SGCD: variants seen among roughly 807,000 people sequenced by gnomAD.
SGCD encodes delta-sarcoglycan.
A neutral mutation model predicts 36.6 loss-of-function variants in SGCD; 18 were observed. The observed-to-expected ratio is 0.49, with a 90% CI of 0.34 to 0.73. The LOEUF is 0.73. SGCD is among the 30% of genes least tolerant of loss of function. SGCD has a pLI of 0.01. For missense variants in SGCD, 387 were observed against 346.7 expected (o/e 1.12, Z -0.92); for synonymous variants, 133 against 130.6 (o/e 1.02, Z -0.12).
chr5:156,000,355 T>C (rs1581035610), intron 1 of SGCD, among the ~76,000 whole-genome samples: 1 of 152,260 alleles, frequency 6.6e-6, no homozygotes, highest in African/African-American at 2.4e-5. Flanking sequence ...AACACAACCA[T>C]AGTCTAGAAG....
rs1360310595 is a variant in SGCD, at chr5:156,049,199, C to A, written c.-281-68679C>A. On this transcript the variant is annotated intron_variant, in intron 1 of 9. Transcript: ENST00000517913. ...GTTGGTCTATATCTCTGTTTTGGTA[C>A]CAGTACCATGCTGTTTTGGTTACTG... 1.6e-4 allele frequency among the ~76,000 whole-genome samples: 24 copies of A among 146,202 alleles called. 2 individuals carry two copies. The highest frequency in any genetic ancestry group is 5.7e-4 in the African/African-American group (23 of 40,620).
At chr5:156,590,747 T>TCC (rs140727145) in intron 5 of SGCD, among the ~76,000 whole-genome samples, 2 of 151,250 alleles carry the variant, frequency 1.3e-5, no homozygotes, top group African/African-American at 2.4e-5. Context: ...TCTCTTTTTT[T>TCC]CCCCCCACTC....
intron 1 of SGCD, among the ~76,000 whole-genome samples, chr5:155,881,902 T>A (rs1489160251): frequency 6.6e-6 from 1 of 152,184 alleles, no homozygotes; most frequent in Non-Finnish European, 1.5e-5. Flanking sequence ...TCATTGAAGT[T>A]TTATCATGAG....
chr5:156,149,119 C>T (rs1157109172), intron 3 of SGCD, among the ~76,000 whole-genome samples: 1 of 152,086 alleles, frequency 6.6e-6, no homozygotes, highest in Non-Finnish European at 1.5e-5. Flanking sequence ...CTAATGGGAA[C>T]CTGGCTGTCA....
chr5:156,697,758 T>C (rs914959066), intron 7 of SGCD, among the ~76,000 whole-genome samples: 144 of 143,930 alleles, frequency 1.0e-3, no homozygotes, highest in East Asian at 1.4e-3. Flanking sequence ...GACGGATGGA[T>C]GGATGGATGG....
intron 1 of SGCD, among the ~76,000 whole-genome samples, chr5:155,952,234 A>G (rs575478364): frequency 6.6e-6 from 1 of 152,228 alleles, no homozygotes; most frequent in African/African-American, 2.4e-5. Flanking sequence ...AGTTTTCAAA[A>G]ACCCCAAGGA....
rs185509744 is a variant in SGCD, at chr5:156,266,208, T to C, written c.-43-63326T>C. Among the ~76,000 whole-genome samples the C allele has an allele frequency of 2.5e-3, 384 of 152,372 alleles. 4 individuals are homozygous for C. Among genetic ancestry groups the C allele is most frequent in the Non-Finnish European group, 1.7e-3 (117 of 68,036 alleles). On this transcript the variant is annotated intron_variant, in intron 3 of 9. Transcript: ENST00000517913. ...CTATTTTGTAGTGCTGGATAGGCTA[T>C]TGACCAAGGTGTTAAATTGACTGAA...
At chr5:155,887,373 T>C (rs889179540) in intron 1 of SGCD, among the ~76,000 whole-genome samples, 39 of 152,228 alleles carry the variant, frequency 2.6e-4, no homozygotes, top group African/African-American at 9.4e-4. Flanking sequence ...TTTCCAACTT[T>C]ATTACTACAC....
chr5:155,987,885 A>G (rs1352217855), intron 1 of SGCD, among the ~76,000 whole-genome samples: 1 of 152,126 alleles, frequency 6.6e-6, no homozygotes, highest in Non-Finnish European at 1.5e-5. Context: ...TGTATTATTC[A>G]TATCCCAGTA....
At position 156,256,405 on chromosome 5, in the gene SGCD, T is replaced by C. The variant is rs75685501; in HGVS notation, c.-43-73129T>C. 5.6e-3 allele frequency among the ~76,000 whole-genome samples: 848 copies of C among 152,310 alleles called. 9 individuals carry two copies. Among genetic ancestry groups the C allele is most frequent in the African/African-American group, 0.02 (814 of 41,572 alleles). ...ATCAGTTTTGCTGGTATTTGAATTT[T>C]GTACATATAGAACCAGACAGTATCT... On this transcript the variant is annotated intron_variant, in intron 3 of 9. Coordinates refer to the SGCD transcript ENST00000517913.
intron 7 of SGCD, among the ~76,000 whole-genome samples, chr5:156,694,460 T>A (rs1212439699): frequency 1.3e-5 from 2 of 152,240 alleles, no homozygotes; most frequent in Admixed American, 6.5e-5. Context: ...TTACAATTTT[T>A]AATTTTTTTT....
At chr5:156,005,742 G>A (rs1394708361) in intron 1 of SGCD, among the ~76,000 whole-genome samples, 1 of 152,188 alleles carries the variant, frequency 6.6e-6, no homozygotes, top group African/African-American at 2.4e-5. Context: ...GAGCCACCGT[G>A]CCCGGCCTTT....
chr5:155,783,649 T>C, the SGCD span, among the ~76,000 whole-genome samples: 4 of 152,106 alleles, frequency 2.6e-5, no homozygotes, highest in South Asian at 2.1e-4. Context: ...ATAAAAGAGA[T>C]TAATTGTCCT....
At chr5:155,900,114 T>C (rs1025420838) in intron 1 of SGCD, among the ~76,000 whole-genome samples, 2 of 152,204 alleles carry the variant, frequency 1.3e-5, no homozygotes, top group Non-Finnish European at 2.9e-5. Flanking sequence ...GATTTATTTG[T>C]ATGCCATGAT....
intron 3 of SGCD, among the ~76,000 whole-genome samples, chr5:156,140,221 G>T (rs1185886852): frequency 6.6e-6 from 1 of 152,218 alleles, no homozygotes; most frequent in Non-Finnish European, 1.5e-5. Flanking sequence ...TGAAAATGTG[G>T]AAGTGGATTA....
chr5:156,267,197 C>G (rs1766023887), intron 3 of SGCD, among the ~76,000 whole-genome samples: 1 of 152,184 alleles, frequency 6.6e-6, no homozygotes, highest in African/African-American at 2.4e-5. Context: ...TAGTTAATCA[C>G]TTAATAAGCG....
At chr5:156,346,785 T>TA (rs1259839301) in intron 3 of SGCD, among the ~76,000 whole-genome samples, 3 of 151,510 alleles carry the variant, frequency 2.0e-5, no homozygotes, top group Non-Finnish European at 4.4e-5. Flanking sequence ...TTACTTTATT[T>TA]TTTTATTTTT....
At chr5:156,465,256 A>G (rs1754671039) in intron 3 of SGCD, among the ~76,000 whole-genome samples, 1 of 152,190 alleles carries the variant, frequency 6.6e-6, no homozygotes, top group African/African-American at 2.4e-5. Context: ...TCATGTGTGT[A>G]TGAATTACTG....
chr5:156,069,388 C>T (rs1385533618), intron 1 of SGCD, among the ~76,000 whole-genome samples: 2 of 152,056 alleles, frequency 1.3e-5, no homozygotes, highest in African/African-American at 4.8e-5. Flanking sequence ...GGAATCCTTT[C>T]CCCATTGCTT....
Sources: gnomAD v4.1 joint callset for allele counts (sites outside exome capture counted in the v4.1 genomes callset) on GRCh38, gnomAD v4.1.1 for gene constraint, MANE v1.5 for transcripts, NCBI Gene and HGNC (gene_info 2026-07-23, HGNC 2026-07-21) for gene names.